The following SBF2 variants were observed in gnomAD, a reference collection of about 807,000 sequenced individuals.
SBF2 encodes the protein myotubularin-related protein 13.
SBF2 carries 112 observed loss-of-function variants against 225.2 expected under a neutral mutation model. That is an observed-to-expected ratio of 0.50 (90% CI 0.43 to 0.58). SBF2 has a LOEUF of 0.58. SBF2 is among the 20% of genes least tolerant of loss of function. The probability of loss-of-function intolerance (pLI) is 0.00; values close to 1 mark genes in which losing one functional copy is unlikely to be tolerated. For synonymous variants in SBF2, 763 were observed against 773.3 expected, an observed-to-expected ratio of 0.99 and a Z score of 0.22; for missense variants, 1,996 against 2,206.2, an observed-to-expected ratio of 0.90 and a Z score of 1.91.
chr11:10,293,978 G>A, intron 1 of SBF2, 37 bp downstream of exon 1: 1 of 1,299,506 alleles, frequency 7.7e-7, no homozygotes, highest in Non-Finnish European at 9.8e-7. Context: ...GCCGGGGGGC[G>A]GGGAGGCCCG....
At chr11:9,824,092 G>T (rs539319812) in intron 28 of SBF2, among the ~76,000 whole-genome samples, 1 of 152,188 alleles carries the variant, frequency 6.6e-6, no homozygotes, top group Non-Finnish European at 1.5e-5. Flanking sequence ...GCACATAGTG[G>T]TCATAAGTTA....
At chr11:10,059,611 A>G (rs1337510133) in intron 2 of SBF2, among the ~76,000 whole-genome samples, 1 of 152,190 alleles carries the variant, frequency 6.6e-6, no homozygotes, top group East Asian at 1.9e-4. Flanking sequence ...ATACTCTAAA[A>G]TTGACCACAT....
At chr11:9,910,390 T>C (rs1862500351) in intron 16 of SBF2, among the ~76,000 whole-genome samples, 1 of 152,206 alleles carries the variant, frequency 6.6e-6, no homozygotes. Flanking sequence ...TACTGAATGA[T>C]AATAAATGAG....
intron 1 of SBF2, among the ~76,000 whole-genome samples, chr11:10,260,255 T>C (rs1463458705): frequency 6.6e-6 from 1 of 152,224 alleles, no homozygotes; most frequent in Non-Finnish European, 1.5e-5. Context: ...TAAGTAATTA[T>C]GTCCACTAAG....
intron 1 of SBF2, among the ~76,000 whole-genome samples, chr11:10,292,506 C>A (rs1171510980): frequency 2.6e-5 from 4 of 151,958 alleles, no homozygotes; most frequent in African/African-American, 9.7e-5. Context: ...ATGGTGAAAT[C>A]CCGTCTCTAC....
intron 1 of SBF2, among the ~76,000 whole-genome samples, chr11:10,276,496 C>G (rs1397642747): frequency 6.6e-6 from 1 of 152,190 alleles, no homozygotes; most frequent in Non-Finnish European, 1.5e-5. Flanking sequence ...AATTGAGAAT[C>G]TACTCACTGT....
Position 10,273,064 on chromosome 11 carries a change from C to T in SBF2, c.55+20951G>A, listed in dbSNP as rs561887818. On this transcript the variant is annotated intron_variant, in intron 1 of 39. Transcript: ENST00000256190. ...CAGCCTGGGTGACAGAGTGAGACTC[C>T]GTCTCCGAAAAAAAAAATAAATAAA... Among the ~76,000 whole-genome samples the T allele has an allele frequency of 4.0e-3, 577 of 146,028 alleles. 4 individuals are homozygous for T. Among genetic ancestry groups the T allele is most frequent in the South Asian group, 5.7e-3 (26 of 4,576 alleles).
At chr11:9,908,100 T>C (rs1019101856) in intron 16 of SBF2, among the ~76,000 whole-genome samples, 2 of 152,208 alleles carry the variant, frequency 1.3e-5, no homozygotes, top group Non-Finnish European at 2.9e-5. Context: ...AACCTTCTAG[T>C]GAATTATAAA....
At chr11:9,840,325 C>CA in intron 25 of SBF2, among the ~76,000 whole-genome samples, 1 of 150,314 alleles carries the variant, frequency 6.7e-6, no homozygotes, top group East Asian at 1.9e-4. Flanking sequence ...ATTAGGATGA[C>CA]AAGTATTATG....
chr11:10,241,627 A>G (rs1441114296), intron 1 of SBF2, among the ~76,000 whole-genome samples: 1 of 152,156 alleles, frequency 6.6e-6, no homozygotes, highest in African/African-American at 2.4e-5. Context: ...AAAGATAAAA[A>G]AGTATATTAT....
chr11:9,856,372 T>G lies in SBF2; in HGVS notation c.2363+86A>C, dbSNP rs1349703561. 1.9e-6 allele frequency: 3 copies of G among 1,542,660 alleles called. No individual in the cohort carries two copies. The African/African-American group carries it at 4.1e-5, about 21-fold the overall frequency. ...CTTTTGAAATATGTACAGCAGTATT[T>G]GCTCAAAATGTTTAATATTATCTGT... On this transcript the variant is annotated intron_variant, in intron 19 of 39. Coordinates refer to ENST00000256190, the MANE Select transcript of SBF2 (RefSeq NM_030962.4).
chr11:10,017,181 T>C (rs1010148131), intron 6 of SBF2, among the ~76,000 whole-genome samples: 1 of 152,234 alleles, frequency 6.6e-6, no homozygotes, highest in Non-Finnish European at 1.5e-5. Context: ...AATGTATTTG[T>C]TTCTTTTTTG....
chr11:10,292,205 T>C lies in SBF2; in HGVS notation c.55+1810A>G, dbSNP rs187051818. ...AACTAGATGGAGTACTGTATCACTA[T>C]CCATTTCCTGTTTTGGTTATTACAC... On this transcript the variant is annotated intron_variant, in intron 1 of 39. Coordinates refer to ENST00000256190, the MANE Select transcript of SBF2 (RefSeq NM_030962.4). 1.2e-3 allele frequency among the ~76,000 whole-genome samples: 182 copies of C among 152,342 alleles called. 2 individuals are homozygous for C. In the Middle Eastern group the frequency reaches 0.027, roughly 23 times the overall value.
chr11:10,004,848 C>G (rs373658718), intron 6 of SBF2, among the ~76,000 whole-genome samples: 20 of 152,166 alleles, frequency 1.3e-4, no homozygotes, highest in African/African-American at 4.3e-4. Flanking sequence ...AACCTTTTGT[C>G]TCTTATATAC....
chr11:10,085,071 A>C (rs1951512193), intron 2 of SBF2, among the ~76,000 whole-genome samples: 1 of 152,252 alleles, frequency 6.6e-6, no homozygotes, highest in Admixed American at 6.5e-5. Flanking sequence ...TGCATTCCAC[A>C]AATTTGTACA....
intron 23 of SBF2, among the ~76,000 whole-genome samples, chr11:9,846,406 A>G (rs1564909194): frequency 6.6e-6 from 1 of 152,242 alleles, no homozygotes; most frequent in Non-Finnish European, 1.5e-5. Flanking sequence ...AGAACAGGAA[A>G]AACTAAGAAA....
At chr11:9,853,778 G>T in intron 19 of SBF2, 66 bp from the exon 20 acceptor site, 1 of 1,425,732 alleles carries the variant, frequency 7.0e-7, no homozygotes, top group Non-Finnish European at 9.9e-7. Flanking sequence ...CTATATAGTA[G>T]TCAATTTACA....
intron 2 of SBF2, among the ~76,000 whole-genome samples, chr11:10,061,407 T>C (rs2134755616): frequency 6.6e-6 from 1 of 152,328 alleles, no homozygotes; most frequent in South Asian, 2.1e-4. Flanking sequence ...AAACTATATC[T>C]GTTTGCAGAT....
intron 14 of SBF2, among the ~76,000 whole-genome samples, chr11:9,965,479 C>T (rs972904086): frequency 8.6e-5 from 13 of 151,914 alleles, no homozygotes; most frequent in East Asian, 1.9e-4. Context: ...GTAGAGACAG[C>T]GGTTCTCTAT....
Sources: allele counts gnomAD v4.1 joint callset (sites outside exome capture counted in the v4.1 genomes callset), GRCh38; gene constraint gnomAD v4.1.1; transcripts MANE v1.5; gene names NCBI Gene and HGNC (gene_info 2026-07-23, HGNC 2026-07-21).